Variants in ATP10B observed in about 807,000 individuals in gnomAD.
ATP10B encodes the protein ATPase phospholipid transporting 10B (putative).
In ATP10B, 122 loss-of-function variants were observed where a neutral mutation model predicts 141.2. The observed-to-expected ratio is 0.86, with a 90% CI of 0.75 to 1.00. The LOEUF (loss-of-function observed/expected upper bound fraction) is 1.00, where lower values mean the gene tolerates loss of function less well. ATP10B is among the 50% of genes least tolerant of loss of function. The probability of loss-of-function intolerance (pLI) is 0.00; values close to 1 mark genes in which losing one functional copy is unlikely to be tolerated. For missense variants in ATP10B, 1,876 were observed against 1,825.3 expected, an observed-to-expected ratio of 1.03 and a Z score of -0.51; for synonymous variants, 685 against 692.0, an observed-to-expected ratio of 0.99 and a Z score of 0.16.
At chr5:160,773,081 A>G (rs1770025329) in intron 2 of ATP10B, among the ~76,000 whole-genome samples, 1 of 151,932 alleles carries the variant, frequency 6.6e-6, no homozygotes, top group African/African-American at 2.4e-5. Flanking sequence ...TTGTTAATTA[A>G]CTCTGTGGTT....
At chr5:160,731,863 A>G (rs897305905) in intron 2 of ATP10B, among the ~76,000 whole-genome samples, 7 of 152,186 alleles carry the variant, frequency 4.6e-5, no homozygotes, top group African/African-American at 1.7e-4. Context: ...CCCACCCAAA[A>G]ACAGTTCAGT....
the ATP10B span, among the ~76,000 whole-genome samples, chr5:160,892,545 C>T: frequency 6.6e-5 from 10 of 152,176 alleles, no homozygotes; most frequent in Non-Finnish European, 1.2e-4. Context: ...TAGGTTCCCA[C>T]TTTCTAAACT....
intron 13 of ATP10B, among the ~76,000 whole-genome samples, chr5:160,624,263 G>T (rs1758499863): frequency 6.6e-6 from 1 of 152,164 alleles, no homozygotes; most frequent in South Asian, 2.1e-4. Flanking sequence ...CAAATGCAAT[G>T]ACTCCCAGAG....
chr5:160,896,204 A>T, the ATP10B span, among the ~76,000 whole-genome samples: 2 of 150,632 alleles, frequency 1.3e-5, no homozygotes. Flanking sequence ...AACAGAGCAG[A>T]ACTGAAGGAG....
chr5:160,916,985 T>C, the ATP10B span, among the ~76,000 whole-genome samples: 2 of 152,218 alleles, frequency 1.3e-5, no homozygotes, highest in Non-Finnish European at 2.9e-5. Flanking sequence ...TGTCTGAGTA[T>C]ACGTGCAAGT....
At chr5:160,867,405 A>G in the ATP10B span, among the ~76,000 whole-genome samples, 304 of 152,224 alleles carry the variant, frequency 2.0e-3, 3 homozygotes, top group South Asian at 0.019. Flanking sequence ...TATATAATAA[A>G]GACTTAAAAA....
rs987712808 is a variant in ATP10B, at chr5:160,716,064, T to G, written c.-205+845A>C. ...GTGCACATGTTCTTAGACCCAGCAT[T>G]TTCACATCTATATACATACCTTGAA... On this transcript the variant is annotated intron_variant, in intron 3 of 25. Coordinates refer to ENST00000327245, the MANE Select transcript of ATP10B (RefSeq NM_025153.3). Among the ~76,000 whole-genome samples, 14 of 152,254 alleles carry G rather than the reference T, an allele frequency of 9.2e-5. No individual in the cohort carries two copies. In the East Asian group the frequency reaches 2.5e-3, roughly 27 times the overall value.
At chr5:160,865,949 T>C in the ATP10B span, among the ~76,000 whole-genome samples, 2 of 152,098 alleles carry the variant, frequency 1.3e-5, no homozygotes, top group African/African-American at 4.8e-5. Context: ...AAGGGAACAC[T>C]TTTACACCGA....
chr5:160,801,312 T>G (rs2127931134), intron 1 of ATP10B, among the ~76,000 whole-genome samples: 1 of 152,336 alleles, frequency 6.6e-6, no homozygotes, highest in East Asian at 1.9e-4. Context: ...CCTTTACTTA[T>G]GCTCATCTCT....
chr5:160,736,117 A>G (rs1051177754), intron 2 of ATP10B, among the ~76,000 whole-genome samples: 3 of 152,172 alleles, frequency 2.0e-5, no homozygotes, highest in Non-Finnish European at 2.9e-5. Flanking sequence ...TTAGTCGAAG[A>G]AAAGAAATAA....
intron 2 of ATP10B, 63 bp from the exon 3 acceptor site, chr5:160,717,097 T>G: frequency 1.0e-6 from 1 of 957,912 alleles, no homozygotes; most frequent in Non-Finnish European, 1.2e-6. Context: ...ATGCTATTTA[T>G]ATAAGGTTTA....
chr5:160,751,576 C>T (rs1768151541), intron 2 of ATP10B, among the ~76,000 whole-genome samples: 2 of 152,020 alleles, frequency 1.3e-5, no homozygotes, highest in South Asian at 2.1e-4. Context: ...AATACCTAAT[C>T]ACCCAAAGGA....
chr5:160,799,799 T>C (rs1772245552), intron 1 of ATP10B, among the ~76,000 whole-genome samples: 1 of 152,142 alleles, frequency 6.6e-6, no homozygotes, highest in South Asian at 2.1e-4. Context: ...CATTTAGAGT[T>C]CTCAGCGTAT....
At chr5:160,755,838 A>AATATATATATAT (rs1181077522) in intron 2 of ATP10B, among the ~76,000 whole-genome samples, 15 of 45,406 alleles carry the variant, frequency 3.3e-4, no homozygotes, top group Admixed American at 8.2e-4. Flanking sequence ...AAAAAAAAAA[A>AATATATATATAT]ATATATATAT....
At chr5:160,819,248 C>T (rs1479469564) in intron 1 of ATP10B, among the ~76,000 whole-genome samples, 1 of 152,042 alleles carries the variant, frequency 6.6e-6, no homozygotes, top group African/African-American at 2.4e-5. Context: ...CAGTGGAAAT[C>T]TTACAGGCCA....
intron 1 of ATP10B, among the ~76,000 whole-genome samples, chr5:160,810,040 CTT>C (rs1233317049): frequency 2.0e-5 from 3 of 152,282 alleles, no homozygotes; most frequent in African/African-American, 4.8e-5. Flanking sequence ...TTTTGGATCT[CTT>C]GTTAACCTCT....
rs575796702 is a variant in ATP10B, at chr5:160,736,716, C to T, written c.-330-19682G>A. On this transcript the variant is annotated intron_variant, in intron 2 of 25. Transcript: ENST00000327245. ...CAGAGGTTGCAGTGAGCCGAGATCG[C>T]GCCACTGCACTCCAGCCTGGGTGAC... 9.4e-4 allele frequency among the ~76,000 whole-genome samples: 143 copies of T among 152,144 alleles called. 1 individual carries two copies. The highest frequency in any genetic ancestry group is 3.2e-3 in the African/African-American group (134 of 41,516).
At position 160,620,430 on chromosome 5, in the gene ATP10B, C is replaced by T; in HGVS notation, c.2333G>A (p.Arg778Lys). 6.2e-7 allele frequency: 1 copy of T among 1,614,204 alleles called. No homozygotes were observed. Among genetic ancestry groups the T allele is most frequent in the Non-Finnish European group, 8.5e-7 (1 of 1,180,032 alleles). ...SVRKRMSVVV[R>K]HPLTGEIVVY... ...AACAATCTCGCCAGTCAGTGGGTGC[C>T]TCACAACCACAGACATTCTCTTCCT... is the stretch of plus-strand genomic sequence containing the variant. The change falls in exon 15 of 26, where the codon AGG becomes AAG. Residue 778 changes from arginine (R) to lysine (K), a missense_variant. Transcript: ENST00000327245.
At chr5:160,812,604 T>A (rs934241345) in intron 1 of ATP10B, among the ~76,000 whole-genome samples, 2 of 152,126 alleles carry the variant, frequency 1.3e-5, no homozygotes, top group African/African-American at 4.8e-5. Flanking sequence ...AAAATGCAAT[T>A]GACATACTGA....
Sources: allele counts gnomAD v4.1 joint callset (sites outside exome capture counted in the v4.1 genomes callset), GRCh38; gene constraint gnomAD v4.1.1; transcripts MANE v1.5; gene names NCBI Gene and HGNC (gene_info 2026-07-23, HGNC 2026-07-21).